Variants in SORT1 observed in about 807,000 individuals in gnomAD.
The protein encoded by SORT1 is sortilin 1.
SORT1 carries 39 observed loss-of-function variants against 101.7 expected under a neutral mutation model. That is an observed-to-expected ratio of 0.38 (90% confidence interval 0.30 to 0.50). The LOEUF (loss-of-function observed/expected upper bound fraction) is 0.50. Among genes scored for constraint, SORT1 ranks in the 20% least tolerant of loss-of-function variants. The pLI is 0.90. For synonymous variants in SORT1, 396 were observed against 393.7 expected (o/e 1.01, Z -0.07); for missense variants, 878 against 1,040.4 (o/e 0.84, Z 2.15).
intron 1 of SORT1, among the ~76,000 whole-genome samples, chr1:109,394,041 G>A (rs1321281762): frequency 6.6e-6 from 1 of 152,136 alleles, no homozygotes; most frequent in Non-Finnish European, 1.5e-5. Flanking sequence ...ACAGTGACAT[G>A]GCCAGGGTTC....
intron 1 of SORT1, among the ~76,000 whole-genome samples, chr1:109,381,317 A>T (rs1652217449): frequency 6.6e-6 from 1 of 152,190 alleles, no homozygotes; most frequent in Admixed American, 6.5e-5. Flanking sequence ...CCCATGAGAT[A>T]TTACTATACC....
intron 1 of SORT1, among the ~76,000 whole-genome samples, chr1:109,387,718 C>T (rs751907133): frequency 1.9e-4 from 29 of 152,040 alleles, no homozygotes; most frequent in Non-Finnish European, 3.5e-4. Flanking sequence ...ACTTTGGGGC[C>T]GAGGTGGGTG....
rs759735915 is a variant in SORT1, at chr1:109,354,321, G to C, written c.708+46C>G. The C allele has an allele frequency of 3.4e-6, 5 of 1,461,364 alleles. No individual in the cohort carries two copies. The East Asian group carries it at 1.1e-4, about 33-fold the overall frequency. 90.5% of individuals were successfully genotyped at this position (1,461,364 alleles called of 1,614,324 possible). ...GATCCTTCTAAGACAGTACATTTGA[G>C]ACTATAAAATGCAAAAGGCAAACCA... On this transcript the variant is annotated intron_variant, in intron 5 of 19. Transcript: ENST00000256637.
At chr1:109,370,240 A>G (rs966773030) in intron 1 of SORT1, among the ~76,000 whole-genome samples, 4 of 152,208 alleles carry the variant, frequency 2.6e-5, no homozygotes, top group Non-Finnish European at 4.4e-5. Context: ...ATGTTAAAAT[A>G]TAGTTATAAT....
intron 11 of SORT1, among the ~76,000 whole-genome samples, chr1:109,333,342 C>T (rs563405339): frequency 1.3e-5 from 2 of 152,284 alleles, no homozygotes; most frequent in East Asian, 3.9e-4. Flanking sequence ...AGCTTCTTGA[C>T]ATTCATCTGG....
At chr1:109,395,211 T>TC (rs1653122482) in intron 1 of SORT1, among the ~76,000 whole-genome samples, 1 of 2,584 alleles carries the variant, frequency 3.9e-4, no homozygotes, top group African/African-American at 7.2e-4. Context: ...GCAAAAACTT[T>TC]TTTTTTTTTT....
intron 1 of SORT1, among the ~76,000 whole-genome samples, chr1:109,387,254 G>A (rs994742925): frequency 9.9e-5 from 15 of 152,220 alleles, no homozygotes; most frequent in African/African-American, 2.9e-4. Flanking sequence ...TCATGCCACT[G>A]TACTCCATCC....
intron 1 of SORT1, among the ~76,000 whole-genome samples, chr1:109,376,303 C>G (rs1175785312): frequency 6.8e-6 from 1 of 146,360 alleles, no homozygotes; most frequent in African/African-American, 2.5e-5. Context: ...CGCATTCCAG[C>G]CTGGGCAACA....
intron 3 of SORT1, among the ~76,000 whole-genome samples, chr1:109,358,099 C>T (rs1235613388): frequency 6.6e-6 from 1 of 152,106 alleles, no homozygotes; most frequent in Non-Finnish European, 1.5e-5. Context: ...CACATCCCTG[C>T]CCTTCAAAAA....
intron 3 of SORT1, among the ~76,000 whole-genome samples, chr1:109,365,583 AAT>A (rs1331399658): frequency 1.3e-5 from 2 of 152,218 alleles, no homozygotes; most frequent in Non-Finnish European, 2.9e-5. Flanking sequence ...AAGATTCTAA[AAT>A]ATAGTCAATC....
chr1:109,326,462 TATACATAC>T (rs796555187), intron 13 of SORT1, among the ~76,000 whole-genome samples: 20,227 of 62,508 alleles, frequency 0.32, 2,630 homozygotes, highest in East Asian at 0.5. Context: ...TATATATATA[TATACATAC>T]ACACACACAC....
intron 1 of SORT1, among the ~76,000 whole-genome samples, chr1:109,373,673 C>A (rs746883291): frequency 2.6e-5 from 4 of 152,160 alleles, no homozygotes; most frequent in Non-Finnish European, 5.9e-5. Context: ...AAGCAAGACC[C>A]AAAAGGATCA....
chr1:109,340,798 G>A lies in SORT1; in HGVS notation c.1190C>T (p.Thr397Ile). The change falls in exon 10 of 20, where the codon ACC (threonine) becomes ATC (isoleucine). Residue 397 changes from threonine to isoleucine, a missense_variant. Physicochemically the swap from Thr to Ile is moderately conservative, Grantham distance 89. Around this residue, in one of 2 missense-constraint regions of SORT1, gnomAD observed 684 missense variants for 894.5 expected, o/e 0.76. Coordinates refer to ENST00000256637, the MANE Select transcript of SORT1 (RefSeq NM_002959.7). ...SKSLDRHLYT[T>I]TGGETDFTNV... ...GGTAAAGTCCGTCTCTCCGCCTGTG[G>A]TAGTGTAGAGATGTCGGTCCAAAGA... The A allele has an allele frequency of 1.9e-6, 3 of 1,614,014 alleles. No homozygotes were observed. Among genetic ancestry groups the A allele is most frequent in the East Asian group, 4.5e-5 (2 of 44,886 alleles).
chr1:109,324,763 A>T, intron 14 of SORT1, 136 bp downstream of exon 14: 1 of 612,214 alleles, frequency 1.6e-6, no homozygotes, highest in Non-Finnish European at 2.9e-6. Context: ...TTAATCACCC[A>T]CACAGAACAT....
chr1:109,316,984 C>G lies in SORT1; in HGVS notation c.2142-26G>C, dbSNP rs777009498. 5 of 1,449,586 alleles carry G rather than the reference C, an allele frequency of 3.4e-6. No homozygotes were observed. The African/African-American group carries it at 5.7e-5, about 16-fold the overall frequency. The allele number at this position is 1,449,586 out of a possible 1,614,324, so 89.8% of individuals were successfully genotyped here. ...CTACCAGGCAAAGAAGATTTGGTAA[C>G]AGAAGATAAGGATGTATTCCTGGGT... On this transcript the variant is annotated intron_variant, in intron 16 of 19. Transcript: ENST00000256637.
intron 10 of SORT1, among the ~76,000 whole-genome samples, chr1:109,339,569 G>A (rs1208299741): frequency 1.3e-5 from 2 of 152,188 alleles, no homozygotes; most frequent in African/African-American, 4.8e-5. Flanking sequence ...CATTAGGAGT[G>A]CTGTTACAAA....
At chr1:109,343,291 G>A (rs1240573792) in intron 8 of SORT1, among the ~76,000 whole-genome samples, 1 of 152,082 alleles carries the variant, frequency 6.6e-6, no homozygotes, top group Non-Finnish European at 1.5e-5. Flanking sequence ...ACTCCAATCG[G>A]CCTTTTAACT....
At chr1:109,390,950 C>T (rs1369839735) in intron 1 of SORT1, among the ~76,000 whole-genome samples, 1 of 152,086 alleles carries the variant, frequency 6.6e-6, no homozygotes, top group East Asian at 1.9e-4. Flanking sequence ...TAAGTTTCTA[C>T]ATGTGAATAT....
chr1:109,316,150 TCC>T (rs1178837862), intron 17 of SORT1, among the ~76,000 whole-genome samples: 1 of 152,082 alleles, frequency 6.6e-6, no homozygotes, highest in Admixed American at 6.5e-5. Context: ...TGGTCAGAGA[TCC>T]ACCCTACCTA....
Sources: allele counts gnomAD v4.1 joint callset (sites outside exome capture counted in the v4.1 genomes callset), GRCh38; gene constraint gnomAD v4.1.1; regional missense constraint gnomAD v4.1.1; transcripts MANE v1.5; gene names NCBI Gene and HGNC (gene_info 2026-07-23, HGNC 2026-07-21).